CFAP299: variants seen among roughly 807,000 people sequenced by gnomAD.
CFAP299 encodes cilia- and flagella-associated protein 299.
Under a neutral mutation model 27.0 loss-of-function variants are expected in CFAP299, and 21 were observed. That is an observed-to-expected ratio of 0.78 (90% CI 0.55 to 1.12). CFAP299 has a LOEUF of 1.12. Among genes scored for constraint, CFAP299 ranks in the 50% most tolerant of loss-of-function variants. The pLI, the probability that CFAP299 is intolerant of heterozygous loss-of-function variation, is 0.00. For synonymous variants in CFAP299, 104 were observed against 98.1 expected (o/e 1.06, Z -0.36); for missense variants, 310 against 276.6 (o/e 1.12, Z -0.86).
chr4:80,893,798 G>T (rs1734468128), intron 4 of CFAP299, among the ~76,000 whole-genome samples: 1 of 151,904 alleles, frequency 6.6e-6, no homozygotes, highest in African/African-American at 2.4e-5. Flanking sequence ...TCTGTACATT[G>T]GTCTGGGCAA....
At chr4:80,605,343 G>A (rs1737600269) in intron 3 of CFAP299, among the ~76,000 whole-genome samples, 1 of 152,022 alleles carries the variant, frequency 6.6e-6, no homozygotes, top group Admixed American at 6.6e-5. Flanking sequence ...CTGATGGGAG[G>A]GGAAGGAAAA....
At chr4:80,537,184 A>G (rs1578568106) in intron 2 of CFAP299, among the ~76,000 whole-genome samples, 2 of 152,110 alleles carry the variant, frequency 1.3e-5, no homozygotes, top group African/African-American at 2.4e-5. Context: ...TTGAAAAACA[A>G]TAAGTATTGA....
intron 3 of CFAP299, among the ~76,000 whole-genome samples, chr4:80,844,507 A>G (rs577218281): frequency 1.3e-5 from 2 of 152,328 alleles, no homozygotes; most frequent in Admixed American, 1.3e-4. Context: ...ATGGCCAGTG[A>G]CGATGAGCAT....
intron 2 of CFAP299, among the ~76,000 whole-genome samples, chr4:80,520,458 C>A (rs1384048544): frequency 6.6e-6 from 1 of 152,148 alleles, no homozygotes; most frequent in East Asian, 1.9e-4. Flanking sequence ...GTTTAAGATT[C>A]TTTTTTCCTT....
intron 2 of CFAP299, among the ~76,000 whole-genome samples, chr4:80,516,363 T>C (rs1376389585): frequency 3.3e-5 from 5 of 152,104 alleles, no homozygotes; most frequent in South Asian, 2.1e-4. Context: ...GGCTAGGTAA[T>C]TTATAAAGAA....
intron 3 of CFAP299, among the ~76,000 whole-genome samples, chr4:80,690,158 C>A (rs1443255273): frequency 7.1e-6 from 1 of 141,200 alleles, no homozygotes; most frequent in Non-Finnish European, 1.5e-5. Flanking sequence ...AACAAGGATA[C>A]CCAGGTATTG....
chr4:80,495,826 A>G (rs186159833), intron 2 of CFAP299, among the ~76,000 whole-genome samples: 4 of 152,282 alleles, frequency 2.6e-5, no homozygotes, highest in Admixed American at 2.0e-4. Context: ...ACAACTTACC[A>G]TTGCTCATGA....
At chr4:80,733,632 C>T (rs1306997176) in intron 3 of CFAP299, among the ~76,000 whole-genome samples, 4 of 152,064 alleles carry the variant, frequency 2.6e-5, no homozygotes, top group Non-Finnish European at 5.9e-5. Context: ...TCTTCCCAGC[C>T]TCTGTGACCA....
chr4:80,641,140 A>G (rs1187850901), intron 3 of CFAP299, among the ~76,000 whole-genome samples: 2 of 152,178 alleles, frequency 1.3e-5, no homozygotes, highest in African/African-American at 4.8e-5. Context: ...TTATATATCT[A>G]TATTTTAAAA....
At chr4:80,564,662 T>C (rs1735195832) in intron 2 of CFAP299, among the ~76,000 whole-genome samples, 1 of 151,864 alleles carries the variant, frequency 6.6e-6, no homozygotes, top group Admixed American at 6.6e-5. Context: ...GTACTGGAAG[T>C]CCTAGCTAGA....
At chr4:80,767,296 ATC>A (rs1197419798) in intron 3 of CFAP299, among the ~76,000 whole-genome samples, 4 of 152,166 alleles carry the variant, frequency 2.6e-5, no homozygotes, top group Admixed American at 2.6e-4. Flanking sequence ...TATGAATACA[ATC>A]TCTCTTTCTC....
intron 2 of CFAP299, among the ~76,000 whole-genome samples, chr4:80,460,040 A>G (rs530265438): frequency 2.6e-5 from 4 of 152,318 alleles, no homozygotes; most frequent in African/African-American, 7.2e-5. Flanking sequence ...GGTTACAGAA[A>G]GAATAGGGGC....
At chr4:80,708,254 T>C (rs1721935998) in intron 3 of CFAP299, among the ~76,000 whole-genome samples, 1 of 152,106 alleles carries the variant, frequency 6.6e-6, no homozygotes, top group Non-Finnish European at 1.5e-5. Flanking sequence ...GGATGGCTAG[T>C]AAAGGACTGA....
intron 3 of CFAP299, among the ~76,000 whole-genome samples, chr4:80,695,970 A>G (rs1213527037): frequency 6.6e-6 from 1 of 152,076 alleles, no homozygotes; most frequent in African/African-American, 2.4e-5. Context: ...ATACTATACT[A>G]TCTTGGGGAT....
At chr4:80,462,813 C>G (rs1401258590) in intron 2 of CFAP299, among the ~76,000 whole-genome samples, 1 of 152,104 alleles carries the variant, frequency 6.6e-6, no homozygotes, top group East Asian at 1.9e-4. Context: ...AAAACTTCTT[C>G]CTCTTTCTAG....
intron 2 of CFAP299, among the ~76,000 whole-genome samples, chr4:80,488,597 CCTAGTAGCTGGGA>C (rs1730949303): frequency 6.6e-6 from 1 of 151,870 alleles, no homozygotes; most frequent in Admixed American, 6.6e-5. Context: ...CCCCAGCCTC[CCTAGTAGCTGGGA>C]CTAAAGGCAC....
chr4:80,656,329 C>A (rs1472135671), intron 3 of CFAP299, among the ~76,000 whole-genome samples: 1 of 151,800 alleles, frequency 6.6e-6, no homozygotes, highest in Non-Finnish European at 1.5e-5. Context: ...GCACCCATCA[C>A]CCCATCATCT....
At chr4:80,516,706 G>A (rs1365240597) in intron 2 of CFAP299, among the ~76,000 whole-genome samples, 2 of 152,118 alleles carry the variant, frequency 1.3e-5, no homozygotes, top group Non-Finnish European at 2.9e-5. Context: ...GAGATTTGGA[G>A]AGGAAAAACA....
intron 2 of CFAP299, among the ~76,000 whole-genome samples, chr4:80,399,597 A>G (rs965900425): frequency 4.0e-5 from 6 of 151,364 alleles, no homozygotes; most frequent in Non-Finnish European, 7.4e-5. Context: ...AAGGACAAAA[A>G]ACCAAACACC....
Sources: allele counts gnomAD v4.1 joint callset (sites outside exome capture counted in the v4.1 genomes callset), GRCh38; gene constraint gnomAD v4.1.1; transcripts MANE v1.5; gene names NCBI Gene and HGNC (gene_info 2026-07-23, HGNC 2026-07-21).